RP1: variants seen among roughly 807,000 people sequenced by gnomAD.
RP1 encodes oxygen-regulated protein 1.
RP1 carries 16 observed loss-of-function variants against 14.8 expected under a neutral mutation model. That is an observed-to-expected ratio of 1.08 (90% CI 0.73 to 1.65). RP1 has a LOEUF of 1.65. RP1 is among the 40% of genes most tolerant of loss of function. The probability of loss-of-function intolerance (pLI) is 0.00; values close to 1 mark genes in which losing one functional copy is unlikely to be tolerated. For synonymous variants in RP1, 876 were observed against 883.6 expected, an observed-to-expected ratio of 0.99 and a Z score of 0.15; for missense variants, 2,631 against 2,535.0, an observed-to-expected ratio of 1.04 and a Z score of -0.81.
chr8:54,627,396 A>G lies in RP1; in HGVS notation c.3514A>G (p.Ile1172Val). 1 of 1,614,184 alleles carries G rather than the reference A, an allele frequency of 6.2e-7. No individual in the cohort carries two copies. The highest frequency in any genetic ancestry group is 8.5e-7 in the Non-Finnish European group (1 of 1,179,984). ...GTTGGAGATTCTAAAGCACATAGCT[A>G]TCACAGAGGAAGCTGATGACTTGAA... ...ALLEILKHIA[I>V]TEEADDLKAA... Residue 1172 changes from isoleucine (I) to valine (V), a missense_variant, in exon 4 of 4, where the codon ATC (isoleucine) becomes GTC (valine). Transcript: ENST00000220676.
chr8:54,688,669 T>C lies in RP1; in HGVS notation c.1717+8736T>C, dbSNP rs558995762. Among the ~76,000 whole-genome samples, 26 of 152,334 alleles carry C rather than the reference T, an allele frequency of 1.7e-4. No individual in the cohort carries two copies. In the East Asian group the frequency reaches 4.6e-3, roughly 27 times the overall value. ...AGGCCTCTGCTCTGTTCCACTGGTC[T>C]ATATATCTGTTTTGGTACCAGTACC... On this transcript the variant is annotated intron_variant, in intron 12 of 22. Coordinates refer to the RP1 transcript ENST00000636932.
At chr8:54,751,876 C>T (rs1249987640) in intron 19 of RP1, among the ~76,000 whole-genome samples, 3 of 152,204 alleles carry the variant, frequency 2.0e-5, no homozygotes, top group Non-Finnish European at 2.9e-5. Context: ...ACTTAGAGCC[C>T]TCACTGTGGA....
At chr8:54,716,847 A>G (rs546813698) in intron 15 of RP1, among the ~76,000 whole-genome samples, 2 of 152,314 alleles carry the variant, frequency 1.3e-5, no homozygotes, top group East Asian at 3.9e-4. Context: ...ACTATGCTAA[A>G]CACTGGGATA....
intron 7 of RP1, among the ~76,000 whole-genome samples, chr8:54,670,508 CATATATATGTATGTGTATATATATACAT>C (rs1807133771): frequency 4.5e-5 from 2 of 44,130 alleles, no homozygotes; most frequent in Non-Finnish European, 1.2e-4. Context: ...TATATATACA[CATATATATGTATGTGTATATATATACAT>C]ATATATGTAT....
intron 7 of RP1, among the ~76,000 whole-genome samples, chr8:54,673,648 G>A (rs1402132351): frequency 2.0e-5 from 3 of 152,154 alleles, no homozygotes; most frequent in African/African-American, 2.4e-5. Flanking sequence ...GCTGAAGTAG[G>A]AGGATCATTT....
At chr8:54,793,658 A>G (rs1002003442) in intron 24 of RP1, among the ~76,000 whole-genome samples, 29 of 151,896 alleles carry the variant, frequency 1.9e-4, no homozygotes, top group Admixed American at 1.8e-3. Context: ...CAGCATATTT[A>G]ATATAGAAGG....
Position 54,719,710 on chromosome 8 carries a change from G to A in RP1, c.2212-419G>A, listed in dbSNP as rs980458638. Among the ~76,000 whole-genome samples, 8 of 152,304 alleles carry A rather than the reference G, an allele frequency of 5.3e-5. No individual in the cohort carries two copies. In the South Asian group the frequency reaches 6.2e-4, roughly 12 times the overall value. On this transcript the variant is annotated intron_variant, in intron 15 of 22. Coordinates refer to the RP1 transcript ENST00000636932. Reference sequence around the variant, plus strand: ...AATCTGGAAAATGCAGAATAGCACAGAAAATTGGTTTACATTTAAATGTAA... The same window carrying A: ...AATCTGGAAAATGCAGAATAGCACAAAAAATTGGTTTACATTTAAATGTAA...
chr8:54,848,682 T>A (rs193220527), intron 25 of RP1, among the ~76,000 whole-genome samples: 6 of 152,318 alleles, frequency 3.9e-5, no homozygotes, highest in Non-Finnish European at 5.9e-5. Flanking sequence ...ATAATGAACA[T>A]ATTTAAAGAG....
chr8:54,820,218 A>C (rs1446919120), intron 24 of RP1, among the ~76,000 whole-genome samples: 1 of 151,786 alleles, frequency 6.6e-6, no homozygotes, highest in Non-Finnish European at 1.5e-5. Context: ...CAAGCAGTGG[A>C]GTTTCTTCCT....
intron 1 of RP1, among the ~76,000 whole-genome samples, chr8:54,589,881 A>T (rs1805007834): frequency 6.6e-6 from 1 of 152,222 alleles, no homozygotes; most frequent in African/African-American, 2.4e-5. Flanking sequence ...CCAAGTGGGC[A>T]TCCAACATGG....
chr8:54,809,849 T>C (rs1810946084), intron 24 of RP1, among the ~76,000 whole-genome samples: 1 of 152,230 alleles, frequency 6.6e-6, no homozygotes, highest in African/African-American at 2.4e-5. Flanking sequence ...AAAGCATTTT[T>C]TTCTCTGAAT....
exon 6 of RP1, chr8:54,656,123 T>A: frequency 6.5e-7 from 1 of 1,534,750 alleles, no homozygotes; most frequent in South Asian, 1.2e-5. Context: ...CAGTTTTATG[T>A]ACCTGTTCAA....
intron 21 of RP1, among the ~76,000 whole-genome samples, chr8:54,757,865 A>G (rs1481271180): frequency 6.6e-6 from 1 of 152,224 alleles, no homozygotes; most frequent in East Asian, 1.9e-4. Context: ...CTGTGCACAC[A>G]TGAGAAGATG....
At chr8:54,607,762 C>T (rs901291050) in intron 1 of RP1, among the ~76,000 whole-genome samples, 7 of 152,326 alleles carry the variant, frequency 4.6e-5, no homozygotes, top group African/African-American at 1.7e-4. Context: ...CCTCCCCTAG[C>T]CTCGCTGCCA....
At chr8:54,708,859 C>T (rs922379876) in intron 15 of RP1, among the ~76,000 whole-genome samples, 1 of 152,130 alleles carries the variant, frequency 6.6e-6, no homozygotes, top group East Asian at 1.9e-4. Flanking sequence ...TGACTCAGCT[C>T]TATCTGATGG....
chr8:54,636,790 T>C (rs1047219054), intron 3 of RP1, among the ~76,000 whole-genome samples: 3 of 152,162 alleles, frequency 2.0e-5, no homozygotes, highest in African/African-American at 4.8e-5. Flanking sequence ...CCATTTATTC[T>C]CATGGATGTG....
chr8:54,735,487 G>T (rs1198933246), intron 18 of RP1, among the ~76,000 whole-genome samples: 3 of 152,128 alleles, frequency 2.0e-5, no homozygotes, highest in African/African-American at 7.2e-5. Context: ...TATTCCTTTT[G>T]CATCCTAAGG....
At chr8:54,586,515 C>A (rs1189969504) in intron 1 of RP1, among the ~76,000 whole-genome samples, 2 of 152,238 alleles carry the variant, frequency 1.3e-5, no homozygotes, top group Non-Finnish European at 2.9e-5. Flanking sequence ...CCACTAGTCT[C>A]TTCAAAGCTG....
chr8:54,608,634 C>T (rs1805518362), intron 1 of RP1, among the ~76,000 whole-genome samples: 1 of 152,176 alleles, frequency 6.6e-6, no homozygotes, highest in African/African-American at 2.4e-5. Flanking sequence ...CCAAGGCACA[C>T]ATTTTCCTAT....
Sources: gnomAD v4.1 joint callset for allele counts (sites outside exome capture counted in the v4.1 genomes callset) on GRCh38, gnomAD v4.1.1 for gene constraint, MANE v1.5 for transcripts, NCBI Gene and HGNC (gene_info 2026-07-23, HGNC 2026-07-21) for gene names.